GPR83: variants seen among roughly 807,000 people sequenced by gnomAD.
GPR83 encodes G protein-coupled receptor 83.
In GPR83, 23 loss-of-function variants were observed where a neutral mutation model predicts 28.0. The ratio of observed to expected loss-of-function variants is 0.82; its 90% CI spans 0.59 to 1.16. The LOEUF (loss-of-function observed/expected upper bound fraction) is 1.16. GPR83 is among the 50% of genes most tolerant of loss of function. The probability of loss-of-function intolerance (pLI) is 0.00; values close to 1 mark genes in which losing one functional copy is unlikely to be tolerated. For missense variants in GPR83, 610 were observed against 536.6 expected (o/e 1.14, Z -1.35); for synonymous variants, 234 against 215.4 (o/e 1.09, Z -0.76).
At chr11:94,381,748 C>A (rs1047229305) in intron 3 of GPR83, among the ~76,000 whole-genome samples, 1 of 152,012 alleles carries the variant, frequency 6.6e-6, no homozygotes, top group Non-Finnish European at 1.5e-5. Context: ...TTCACTACAG[C>A]CATAATTGGT....
chr11:94,393,747 G>A, intron 2 of GPR83, 129 bp from the exon 3 acceptor site: 1 of 770,308 alleles, frequency 1.3e-6, no homozygotes, highest in Non-Finnish European at 2.2e-6. Context: ...GATCACTTGA[G>A]CCCAGGAGTT....
chr11:94,382,753 C>A lies in GPR83; in HGVS notation c.648-1980G>T, dbSNP rs566454165. Reference sequence around the variant, plus strand: ...ACATTCTTCTCAGTACCTCATCACACTTATTCTAAAATTGACCACGTAATT... The same window carrying A: ...ACATTCTTCTCAGTACCTCATCACAATTATTCTAAAATTGACCACGTAATT... On this transcript the variant is annotated intron_variant, in intron 3 of 3. Coordinates refer to ENST00000243673, the MANE Select transcript of GPR83 (RefSeq NM_016540.4). 2.1e-3 allele frequency among the ~76,000 whole-genome samples: 324 copies of A among 152,314 alleles called. 2 individuals carry two copies. Among genetic ancestry groups the A allele is most frequent in the African/African-American group, 7.1e-3 (294 of 41,566 alleles).
rs552799864 is a variant in GPR83 at position 94,386,031 on chromosome 11, G to A, written c.648-5258C>T. Reference sequence around the variant, plus strand: ...GAAACCCTACAAGCCAGAAGAGAGTGGGGGCCAATATTCAACACTCTTAAA... The same window carrying A: ...GAAACCCTACAAGCCAGAAGAGAGTAGGGGCCAATATTCAACACTCTTAAA... On this transcript the variant is annotated intron_variant, in intron 3 of 3. Coordinates refer to ENST00000243673, the MANE Select transcript of GPR83 (RefSeq NM_016540.4). Among the ~76,000 whole-genome samples, 388 of 152,286 alleles carry A rather than the reference G, an allele frequency of 2.5e-3. 4 individuals carry two copies. Among genetic ancestry groups the A allele is most frequent in the African/African-American group, 8.7e-3 (361 of 41,562 alleles).
chr11:94,385,799 C>T (rs1489651397), intron 3 of GPR83, among the ~76,000 whole-genome samples: 1 of 152,128 alleles, frequency 6.6e-6, no homozygotes, highest in Non-Finnish European at 1.5e-5. Context: ...GGAGAAATTC[C>T]CCAATCTAGC....
chr11:94,377,909 G>A lies in GPR83; in HGVS notation c.*2240C>T, dbSNP rs1944638421. ...TTCTGTATTCCTAGACACCCTCAGA[G>A]AGGAGTGAAGTACAACATCCTCCAT... On this transcript the variant is annotated 3_prime_UTR_variant, in exon 4 of 4. Coordinates refer to ENST00000243673, the MANE Select transcript of GPR83 (RefSeq NM_016540.4). The A allele has an allele frequency of 4.6e-5, 7 of 152,174 alleles. No homozygotes were observed. Among genetic ancestry groups the A allele is most frequent in the Admixed American group, 4.6e-4 (7 of 15,272 alleles). The allele number at this position is 152,174 out of a possible 1,614,324, so 9.4% of individuals were successfully genotyped here.
intron 3 of GPR83, among the ~76,000 whole-genome samples, chr11:94,390,853 G>A (rs1248459201): frequency 6.6e-6 from 1 of 152,174 alleles, no homozygotes; most frequent in Non-Finnish European, 1.5e-5. Context: ...AACATTCCAT[G>A]CTCATGGATA....
Position 94,380,168 on chromosome 11 carries a change from G to T in GPR83, c.1253C>A (p.Pro418His). 1 of 1,514,516 alleles carries T rather than the reference G, an allele frequency of 6.6e-7. No homozygotes were observed. The highest frequency in any genetic ancestry group is 8.8e-7 in the Non-Finnish European group (1 of 1,132,316). 93.8% of individuals were successfully genotyped at this position (1,514,516 alleles called of 1,614,324 possible). A position where few individuals can be genotyped will look rare whatever the true frequency, so the allele number is the denominator to read the frequency against. ...CCTCTTCTAACTCATCGTCACAATG[G>T]GTTCCACAGATGACAGGTCTGTCTT... The part of the protein sequence containing the change: ...SGKTDLSSVE[P>H]IVTMS Residue 418 changes from proline (P) to histidine (H), a missense_variant, in exon 4 of 4, where the codon CCC (proline) becomes CAC (histidine). By Grantham distance (77) the Pro-to-His change is moderately conservative. Coordinates refer to ENST00000243673, the MANE Select transcript of GPR83 (RefSeq NM_016540.4).
chr11:94,400,566 A>G (rs1408367037), intron 1 of GPR83, among the ~76,000 whole-genome samples: 2 of 148,166 alleles, frequency 1.3e-5, no homozygotes, highest in African/African-American at 2.5e-5. Flanking sequence ...AAAAAAGATG[A>G]GGACACTGAG....
chr11:94,393,947 G>C (rs1345225797), intron 2 of GPR83, among the ~76,000 whole-genome samples: 3 of 152,118 alleles, frequency 2.0e-5, no homozygotes, highest in Non-Finnish European at 4.4e-5. Context: ...GCTGCTGGGG[G>C]AGAGGAGTCC....
chr11:94,398,469 A>G (rs145419601), intron 1 of GPR83, among the ~76,000 whole-genome samples: 4 of 152,232 alleles, frequency 2.6e-5, no homozygotes, highest in Admixed American at 6.5e-5. Flanking sequence ...TGTCTGCACT[A>G]AGTGTTCATC....
chr11:94,395,810 T>G (rs924152774), intron 2 of GPR83, among the ~76,000 whole-genome samples: 12 of 152,234 alleles, frequency 7.9e-5, no homozygotes, highest in African/African-American at 2.9e-4. Flanking sequence ...CCTGAATTGG[T>G]GAATATTCAT....
At chr11:94,386,004 C>T (rs1440618086) in intron 3 of GPR83, among the ~76,000 whole-genome samples, 1 of 152,168 alleles carries the variant, frequency 6.6e-6, no homozygotes, top group East Asian at 1.9e-4. Context: ...GATCTCTTGG[C>T]AGAAACCCTA....
At position 94,393,472 on chromosome 11, in the gene GPR83, G is replaced by A. The variant is rs776767658; in HGVS notation, c.647+13C>T. On this transcript the variant is annotated intron_variant, in intron 3 of 3. Coordinates refer to ENST00000243673, the MANE Select transcript of GPR83 (RefSeq NM_016540.4). ...CACAAGTCCCCAGGCAGATCCCAAC[G>A]AATTCATCTCACCTGTATTTGAAGG... 1.9e-6 allele frequency: 3 copies of A among 1,613,518 alleles called. No individual in the cohort carries two copies. The highest frequency in any genetic ancestry group is 1.7e-5 in the Admixed American group (1 of 59,994).
Position 94,401,233 on chromosome 11 carries a change from G to C in GPR83, c.15C>G (p.Leu5=), listed in dbSNP as rs540395116. The change falls in exon 1 of 4, where the codon CTC becomes CTG. Residue 5 remains leucine, a synonymous_variant. Transcript: ENST00000243673. The part of the protein sequence containing the change: MVPH[L]LLLCLLPLVR... ...CCAAGGGGAGGAGACAGAGCAGCAA[G>C]AGGTGAGGGACCATTTTGCAGGAGC... 5.6e-6 allele frequency: 9 copies of C among 1,607,984 alleles called. No homozygotes were observed. In the African/African-American group the frequency reaches 1.1e-4, roughly 19 times the overall value.
intron 1 of GPR83, among the ~76,000 whole-genome samples, chr11:94,398,751 G>C (rs1346763840): frequency 2.0e-5 from 3 of 152,216 alleles, no homozygotes; most frequent in Non-Finnish European, 4.4e-5. Context: ...ATCAGGCAAA[G>C]GCAGGGATGC....
chr11:94,396,455 A>G lies in GPR83; in HGVS notation c.457T>C (p.Cys153Arg). The change falls in exon 2 of 4, where the codon TGC (cysteine) becomes CGC (arginine). Residue 153 changes from cysteine (C) to arginine (R), a missense_variant. Cys to Arg is a radical substitution (Grantham distance 180). Transcript: ENST00000243673. ...GTCAGTGCTGAGACGTGCAGTGAGC[A>G]GTACTGGGCAAAGCGGCTGACATGG... is the stretch of plus-strand genomic sequence containing the variant. ...MCHVSRFAQY[C>R]SLHVSALTLT... The G allele has an allele frequency of 6.2e-7, 1 of 1,614,096 alleles. No homozygotes were observed. Among genetic ancestry groups the G allele is most frequent in the Non-Finnish European group, 8.5e-7 (1 of 1,179,956 alleles).
intron 1 of GPR83, among the ~76,000 whole-genome samples, chr11:94,396,803 T>C (rs1227540765): frequency 6.6e-6 from 1 of 150,730 alleles, no homozygotes; most frequent in African/African-American, 2.4e-5. Context: ...TTCCCACCTC[T>C]AATAGTTTCT....
rs534205662 is a variant in GPR83, at chr11:94,377,649, T to C, written c.*2500A>G. 2.0e-5 allele frequency: 3 copies of C among 152,322 alleles called. No individual in the cohort carries two copies. The South Asian group carries it at 6.2e-4, about 32-fold the overall frequency. 9.4% of individuals were successfully genotyped at this position (152,322 alleles called of 1,614,324 possible). On this transcript the variant is annotated 3_prime_UTR_variant, in exon 4 of 4. Transcript: ENST00000243673. ...TCGCATATCCATACAACCATTCTGG[T>C]TTTCACCTTCAGTACAGTATTCAAT...
At position 94,400,982 on chromosome 11, in the gene GPR83, T is replaced by C; in HGVS notation, c.266A>G (p.Asn89Ser). Residue 89 changes from asparagine (N) to serine (S), a missense_variant, in exon 1 of 4, where the codon AAC (asparagine) becomes AGC (serine). By Grantham distance (46) the Asn-to-Ser change is conservative (BLOSUM62 1). Transcript: ENST00000243673. ...GAAGATGACATGACAGACCAGGACG[T>C]TGCCAAAGAGTGAGAAGACAATGAT... The part of the protein sequence containing the change: ...SFIIVFSLFG[N>S]VLVCHVIFKN... 5 of 1,614,136 alleles carry C rather than the reference T, an allele frequency of 3.1e-6. No homozygotes were observed. The highest frequency in any genetic ancestry group is 4.2e-6 in the Non-Finnish European group (5 of 1,179,982).
Sources: allele counts gnomAD v4.1 joint callset (sites outside exome capture counted in the v4.1 genomes callset), GRCh38; gene constraint gnomAD v4.1.1; transcripts MANE v1.5; gene names NCBI Gene and HGNC (gene_info 2026-07-23, HGNC 2026-07-21).